DENND2B: variants seen among roughly 807,000 people sequenced by gnomAD.
The protein encoded by DENND2B is DENN domain containing 2B, also known as DENN domain-containing protein 2B.
In DENND2B, 32 loss-of-function variants were observed where a neutral mutation model predicts 116.0. The ratio of observed to expected loss-of-function variants is 0.28; its 90% CI spans 0.21 to 0.37. DENND2B has a LOEUF of 0.37. DENND2B is among the 10% of genes least tolerant of loss of function. DENND2B has a pLI of 1.00. For synonymous variants in DENND2B, 588 were observed against 583.9 expected, an observed-to-expected ratio of 1.01 and a Z score of -0.10; for missense variants, 1,276 against 1,477.7, an observed-to-expected ratio of 0.86 and a Z score of 2.24.
chr11:8,909,963 G>C (rs541202942), intron 1 of DENND2B: 6 of 152,314 alleles, frequency 3.9e-5, no homozygotes, highest in African/African-American at 1.4e-4. Flanking sequence ...TTAGCAGTGA[G>C]AGCCTGGGCT....
intron 15 of DENND2B, 90 bp downstream of exon 15, chr11:8,699,123 C>T: frequency 2.0e-6 from 3 of 1,511,962 alleles, no homozygotes; most frequent in Non-Finnish European, 2.7e-6. Flanking sequence ...GGATAAGAGC[C>T]TGGTAAAGAG....
At chr11:8,726,595 G>A (rs566937099) in intron 3 of DENND2B, among the ~76,000 whole-genome samples, 67 of 152,316 alleles carry the variant, frequency 4.4e-4, no homozygotes, top group Non-Finnish European at 8.4e-4. Flanking sequence ...TCTCCCAGGC[G>A]ACGTCTCACT....
rs368825692 is a variant in DENND2B, at chr11:8,734,992, C to T, written c.81-3783G>A. On this transcript the variant is annotated intron_variant, in intron 2 of 19. Transcript: ENST00000313726. ...TTTGCCACTGTCAATGGATCCTGAACGCTGTCGGGGCAGGGGGGCGGGAGG... is the reference window on the plus strand; with the variant it reads ...TTTGCCACTGTCAATGGATCCTGAATGCTGTCGGGGCAGGGGGGCGGGAGG... 2.9e-4 allele frequency among the ~76,000 whole-genome samples: 32 copies of T among 111,320 alleles called. No individual in the cohort carries two copies. The South Asian group carries it at 8.5e-3, about 30-fold the overall frequency. 73.0% of individuals were successfully genotyped at this position (111,320 alleles called of 152,430 possible).
Position 8,707,626 on chromosome 11 carries a change from G to A in DENND2B, c.2430+151C>T. ...AGAGAACCAGGCCGGGGAATGGGAG[G>A]GTGTCAGAGAGCTCACTGGTACTTG... is the stretch of plus-strand genomic sequence containing the variant. On this transcript the variant is annotated intron_variant, in intron 12 of 19. Transcript: ENST00000313726. This position sits in a 1 kb window ranked among gnomAD's most constrained non-coding sequence, Gnocchi z 4.8. 1.3e-6 allele frequency: 1 copy of A among 748,212 alleles called. No individual in the cohort carries two copies. The highest frequency in any genetic ancestry group is 2.7e-5 in the East Asian group (1 of 36,988). The allele number at this position is 748,212 out of a possible 1,614,324, so 46.3% of individuals were successfully genotyped here. A position where few individuals can be genotyped will look rare whatever the true frequency, so the allele number is the denominator to read the frequency against.
At position 8,784,963 on chromosome 11, in the gene DENND2B, G is replaced by A. The variant is rs540695678; in HGVS notation, c.-26+25554C>T. Among the ~76,000 whole-genome samples the A allele has an allele frequency of 1.4e-4, 21 of 152,282 alleles. No homozygotes were observed. The South Asian group carries it at 2.1e-3, about 15-fold the overall frequency. On this transcript the variant is annotated intron_variant, in intron 1 of 19. Transcript: ENST00000313726. ...CTACAACTTGAAACTAAACAGGGAA[G>A]TAATGGCTCTGTGGCCACCTATGAT... is the stretch of plus-strand genomic sequence containing the variant.
upstream of DENND2B, among the ~76,000 whole-genome samples, chr11:8,811,792 G>A (rs1006172937): frequency 6.6e-6 from 1 of 152,090 alleles, no homozygotes. Flanking sequence ...GGAATGCATT[G>A]GTGCAATCAT....
chr11:8,824,552 A>G (rs554519393), intron 4 of DENND2B, among the ~76,000 whole-genome samples: 21 of 152,280 alleles, frequency 1.4e-4, no homozygotes, highest in Middle Eastern at 3.4e-3. Flanking sequence ...TTATGGCTGC[A>G]TAGTATTCCA....
At chr11:8,847,974 A>G (rs779844142) in intron 3 of DENND2B, among the ~76,000 whole-genome samples, 19 of 152,222 alleles carry the variant, frequency 1.2e-4, no homozygotes, top group South Asian at 2.1e-4. Context: ...TCTAAAAACA[A>G]CAGAAGGATT....
At chr11:8,723,866 C>T (rs117582149) in intron 4 of DENND2B, among the ~76,000 whole-genome samples, 1,703 of 152,342 alleles carry the variant, frequency 0.011, 13 homozygotes, top group Non-Finnish European at 0.018. Context: ...ACATACTATA[C>T]GCTCTGTTCC....
intron 1 of DENND2B, among the ~76,000 whole-genome samples, chr11:8,902,634 A>T (rs2064184282): frequency 6.6e-6 from 1 of 152,200 alleles, no homozygotes; most frequent in African/African-American, 2.4e-5. Flanking sequence ...TATTATCTTA[A>T]GGTTCTGGAA....
At chr11:8,862,029 G>A (rs1163395956) in intron 2 of DENND2B, among the ~76,000 whole-genome samples, 2 of 151,854 alleles carry the variant, frequency 1.3e-5, no homozygotes, top group African/African-American at 2.4e-5. Flanking sequence ...AGACACAGAA[G>A]GGGGAGGAAG....
intron 4 of DENND2B, among the ~76,000 whole-genome samples, chr11:8,827,034 G>GC (rs2062005584): frequency 6.6e-6 from 1 of 152,226 alleles, no homozygotes; most frequent in Non-Finnish European, 1.5e-5. Context: ...AGCTTGTTTG[G>GC]AAGTCTCAGA....
intron 13 of DENND2B, among the ~76,000 whole-genome samples, chr11:8,706,654 T>C (rs964483021): frequency 2.6e-5 from 4 of 152,178 alleles, no homozygotes; most frequent in African/African-American, 9.7e-5. Context: ...TTCACTTGGC[T>C]TGTAACACAT....
intron 1 of DENND2B, among the ~76,000 whole-genome samples, chr11:8,806,539 G>A (rs905440290): frequency 6.7e-6 from 1 of 148,452 alleles, no homozygotes; most frequent in Non-Finnish European, 1.5e-5. Flanking sequence ...AATAAGAGAA[G>A]GGGTCTTTGG....
chr11:8,794,083 AC>A (rs2059611973), intron 1 of DENND2B, among the ~76,000 whole-genome samples: 1 of 152,222 alleles, frequency 6.6e-6, no homozygotes, highest in African/African-American at 2.4e-5. Context: ...ATTCTGCCTT[AC>A]GTATTCCCCA....
intron 3 of DENND2B, chr11:8,839,375 T>C (rs1008455455): frequency 6.6e-6 from 1 of 152,262 alleles, no homozygotes; most frequent in Non-Finnish European, 1.5e-5. Context: ...GAAAGGTTGT[T>C]ACCACCAAGT....
chr11:8,743,470 A>T (rs1354483345), intron 2 of DENND2B, among the ~76,000 whole-genome samples: 1 of 152,134 alleles, frequency 6.6e-6, no homozygotes, highest in Non-Finnish European at 1.5e-5. Flanking sequence ...GAATCACTTG[A>T]ACCTGGTTGG....
At chr11:8,755,032 A>G (rs1389041387) in intron 1 of DENND2B, among the ~76,000 whole-genome samples, 2 of 152,240 alleles carry the variant, frequency 1.3e-5, no homozygotes, top group Middle Eastern at 3.2e-3. Flanking sequence ...ACATCTCAAT[A>G]TAGACGTTAA....
At chr11:8,781,586 T>G (rs889885305) in intron 1 of DENND2B, among the ~76,000 whole-genome samples, 2 of 150,598 alleles carry the variant, frequency 1.3e-5, no homozygotes, top group Non-Finnish European at 3.0e-5. Context: ...TGTAAACCAG[T>G]ATAATTTTTC....
Sources: allele counts gnomAD v4.1 joint callset (sites outside exome capture counted in the v4.1 genomes callset), GRCh38; gene constraint gnomAD v4.1.1; non-coding constraint Gnocchi (gnomAD v3.1); transcripts MANE v1.5; gene names NCBI Gene and HGNC (gene_info 2026-07-23, HGNC 2026-07-21).